Variants in RPL31 observed in about 807,000 individuals in gnomAD.
RPL31 encodes the protein ribosomal protein L31, also known as large ribosomal subunit protein eL31.
For missense variants in RPL31, 95 were observed against 164.0 expected (o/e 0.58, Z 2.30); for synonymous variants, 51 against 55.0 (o/e 0.93, Z 0.32).
At chr2:101,019,108 T>A (rs1232693733) in exon 5 of RPL31, 3 of 1,566,206 alleles carry the variant, frequency 1.9e-6, no homozygotes, top group Non-Finnish European at 2.6e-6. Context: ...CTGCAGCAGA[T>A]GCCTTTACAA....
At chr2:101,006,257 A>G in intron 4 of RPL31, 93 bp from the exon 5 acceptor site, 1 of 1,546,250 alleles carries the variant, frequency 6.5e-7, no homozygotes, top group Non-Finnish European at 8.7e-7. Context: ...GGTTGTGGAA[A>G]ATAGAATGCC....
chr2:101,006,438 T>A lies in RPL31; in HGVS notation c.*57T>A. ...AATTGCCTTCATGTTTTTGTTCTTT[T>A]TAGTTGCAACATAATGTACTTGTAT... On this transcript the variant is annotated 3_prime_UTR_variant, in exon 5 of 5. Coordinates refer to ENST00000264258, the MANE Select transcript of RPL31 (RefSeq NM_000993.5). 6.5e-7 allele frequency: 1 copy of A among 1,532,258 alleles called. No homozygotes were observed. The highest frequency in any genetic ancestry group is 8.9e-7 in the Non-Finnish European group (1 of 1,122,922). The allele number at this position is 1,532,258 out of a possible 1,614,324, so 94.9% of individuals were successfully genotyped here. A position where few individuals can be genotyped will look rare whatever the true frequency, so the allele number is the denominator to read the frequency against.
downstream of RPL31, among the ~76,000 whole-genome samples, chr2:101,012,029 GTGAATTCA>G (rs1679255266): frequency 8.2e-6 from 1 of 122,318 alleles, no homozygotes; most frequent in Non-Finnish European, 2.0e-5. Context: ...AAAAGCCTTA[GTGAATTCA>G]AAGCAGCATC....
downstream of RPL31, chr2:101,007,974 A>G: frequency 6.2e-7 from 1 of 1,614,030 alleles, no homozygotes; most frequent in Non-Finnish European, 8.5e-7. Context: ...TCAGAAGTGA[A>G]GCTAAAATAT....
exon 5 of RPL31, chr2:101,019,312 G>T: frequency 3.2e-6 from 1 of 309,144 alleles, no homozygotes; most frequent in Non-Finnish European, 5.9e-6. Context: ...TATACTTCCT[G>T]ATCTGTGATT....
chr2:101,017,749 G>A (rs936195176), intron 4 of RPL31: 2 of 1,237,594 alleles, frequency 1.6e-6, no homozygotes, highest in African/African-American at 1.5e-5. Context: ...ATAGGGTCAA[G>A]TGACAAAAAG....
intron 4 of RPL31, chr2:101,018,007 C>G: frequency 7.2e-7 from 1 of 1,397,480 alleles, no homozygotes; most frequent in East Asian, 2.5e-5. Flanking sequence ...AATTCTACTT[C>G]AAGCATGTGC....
downstream of RPL31, chr2:101,010,908 T>C (rs781769249): frequency 2.3e-5 from 36 of 1,572,604 alleles, no homozygotes; most frequent in Non-Finnish European, 2.9e-5. Flanking sequence ...GTTAATTCTC[T>C]GCACTGAAGA....
At chr2:101,007,688 T>A, downstream of RPL31, 1 of 899,604 alleles carries the variant, frequency 1.1e-6, no homozygotes, top group African/African-American at 1.7e-5. Context: ...CTGGCCACAG[T>A]TTGTCAGGTT....
chr2:101,002,802 A>C lies in RPL31; in HGVS notation c.101A>C (p.His34Pro). Residue 34 changes from histidine to proline, a missense_variant, in exon 2 of 5, where the codon CAT becomes CCT. Physicochemically the swap from His to Pro is moderately conservative, Grantham distance 77. Coordinates refer to ENST00000264258, the MANE Select transcript of RPL31 (RefSeq NM_000993.5). ...ACCATCAACATTCACAAGCGCATCCATGGAGTGTGAGTATCCCTCTAGCCG... is the reference window on the plus strand; with the variant it reads ...ACCATCAACATTCACAAGCGCATCCCTGGAGTGTGAGTATCCCTCTAGCCG... Reference protein sequence around the residue: ...EYTINIHKRIHGVGFKKRAPR... With the variant: ...EYTINIHKRIPGVGFKKRAPR... 2 of 1,612,482 alleles carry C rather than the reference A, an allele frequency of 1.2e-6. No homozygotes were observed. The highest frequency in any genetic ancestry group is 1.7e-6 in the Non-Finnish European group (2 of 1,178,518).
rs1438298199 is a variant in RPL31, at chr2:101,002,310, T to G, written c.-6T>G. ...CGCTCTTCCTTTCCAACTTGGACGC[T>G]GCAGAGTGAGTATGGGTGGCGGAGT... is the stretch of plus-strand genomic sequence containing the variant. On this transcript the variant is annotated 5_prime_UTR_variant, in exon 1 of 5. Coordinates refer to ENST00000264258, the MANE Select transcript of RPL31 (RefSeq NM_000993.5). 1.1e-5 allele frequency: 2 copies of G among 184,532 alleles called. No individual in the cohort carries two copies. The highest frequency in any genetic ancestry group is 2.4e-5 in the African/African-American group (1 of 42,432). The allele number at this position is 184,532 out of a possible 1,614,324, so 11.4% of individuals were successfully genotyped here. A position where few individuals can be genotyped will look rare whatever the true frequency, so the allele number is the denominator to read the frequency against.
In RPL31 at chr2:101,006,423, A is replaced by G. The variant is rs577168208; in HGVS notation, c.*42A>G. 9.4e-6 allele frequency: 15 copies of G among 1,589,128 alleles called. No individual in the cohort carries two copies. Among genetic ancestry groups the G allele is most frequent in the South Asian group, 5.7e-5 (5 of 87,344 alleles). ...CAAATAAAGTTATAAAATTGCCTTC[A>G]TGTTTTTGTTCTTTTTAGTTGCAAC... is the stretch of plus-strand genomic sequence containing the variant. On this transcript the variant is annotated 3_prime_UTR_variant, in exon 5 of 5. Transcript: ENST00000264258.
chr2:101,004,353 C>T (rs1025039276), intron 3 of RPL31, 70 bp downstream of exon 3: 73 of 1,544,716 alleles, frequency 4.7e-5, no homozygotes, highest in Non-Finnish European at 5.2e-5. Context: ...CCTGCAAGAG[C>T]CCATATCAGT....
intron 4 of RPL31, among the ~76,000 whole-genome samples, chr2:101,012,769 T>TA (rs1679325694): frequency 6.6e-6 from 1 of 152,230 alleles, no homozygotes; most frequent in African/African-American, 2.4e-5. Context: ...GTTTGGAACT[T>TA]ATTCGTAAAC....
chr2:101,011,633 C>CAGCA (rs1286910657), downstream of RPL31: 5 of 1,292,978 alleles, frequency 3.9e-6, no homozygotes, highest in East Asian at 1.2e-4. Flanking sequence ...AAGGCTAAGC[C>CAGCA]AGCAGCTCCC....
chr2:101,011,053 GTTTAA>G (rs1573852946), downstream of RPL31: 1 of 1,598,718 alleles, frequency 6.3e-7, no homozygotes, highest in African/African-American at 1.3e-5. Context: ...ACAATATGTG[GTTTAA>G]TTTAAATAAA....
At chr2:101,014,887 C>T (rs1679499404) in intron 4 of RPL31, among the ~76,000 whole-genome samples, 1 of 152,150 alleles carries the variant, frequency 6.6e-6, no homozygotes, top group African/African-American at 2.4e-5. Context: ...ATCTTTGGTC[C>T]TACTGATGTT....
At chr2:101,018,879 A>G in intron 4 of RPL31, 1 of 1,318,598 alleles carries the variant, frequency 7.6e-7, no homozygotes, top group Non-Finnish European at 1.0e-6. Context: ...CAAAATGGCC[A>G]ATATCCGTAG....
intron 2 of RPL31, among the ~76,000 whole-genome samples, chr2:101,003,784 G>C (rs899811162): frequency 5.9e-5 from 9 of 152,184 alleles, no homozygotes; most frequent in Non-Finnish European, 1.2e-4. Flanking sequence ...CCAAAAACAT[G>C]TCCTGTCTTA....
Sources: gnomAD v4.1 joint callset for allele counts (sites outside exome capture counted in the v4.1 genomes callset) on GRCh38, gnomAD v4.1.1 for gene constraint, MANE v1.5 for transcripts, NCBI Gene and HGNC (gene_info 2026-07-23, HGNC 2026-07-21) for gene names.